The following IQCM variants were observed in gnomAD, a reference collection of about 807,000 sequenced individuals.
IQCM encodes IQ motif containing M, also known as IQ domain-containing protein M.
IQCM carries 45 observed loss-of-function variants against 57.6 expected under a neutral mutation model. That is an observed-to-expected ratio of 0.78 (90% CI 0.62 to 1.00). The LOEUF (loss-of-function observed/expected upper bound fraction) is 1.00. Ranked by LOEUF, IQCM falls within the 50% of genes least tolerant of loss-of-function variation. The pLI is 0.00. For missense variants in IQCM, 468 were observed against 511.6 expected (o/e 0.91, Z 0.82); for synonymous variants, 148 against 158.9 (o/e 0.93, Z 0.51).
intron 7 of IQCM, among the ~76,000 whole-genome samples, chr4:149,632,729 C>A (rs1269048839): frequency 6.6e-6 from 1 of 152,136 alleles, no homozygotes; most frequent in Admixed American, 6.5e-5. Context: ...TAGCTTGTGA[C>A]CTTACAAGGT....
chr4:149,373,450 T>C (rs1030242400), intron 13 of IQCM, among the ~76,000 whole-genome samples: 2 of 152,140 alleles, frequency 1.3e-5, no homozygotes, highest in African/African-American at 4.8e-5. Context: ...GAGATGTTAC[T>C]ATCATAGTTC....
chr4:149,545,451 T>C (rs1422308953), intron 12 of IQCM, among the ~76,000 whole-genome samples: 1 of 152,110 alleles, frequency 6.6e-6, no homozygotes, highest in Non-Finnish European at 1.5e-5. Context: ...AACAGGTAGA[T>C]GATCATCAGG....
chr4:149,470,953 G>A (rs1410400406), intron 12 of IQCM, among the ~76,000 whole-genome samples: 2 of 152,040 alleles, frequency 1.3e-5, no homozygotes, highest in East Asian at 1.9e-4. Flanking sequence ...AGAATCTCTG[G>A]GACACATTTA....
At chr4:149,548,765 C>T (rs147135074) in intron 11 of IQCM, among the ~76,000 whole-genome samples, 176 bp from the exon 12 acceptor site, 8 of 152,232 alleles carry the variant, frequency 5.3e-5, no homozygotes, top group Admixed American at 2.0e-4. Flanking sequence ...CCTCACATTC[C>T]GCAGTAGTGA....
Position 149,503,142 on chromosome 4 carries a change from G to A in IQCM, c.1228+45313C>T, listed in dbSNP as rs2149795084. Among the ~76,000 whole-genome samples, 3 of 152,112 alleles carry A rather than the reference G, an allele frequency of 2.0e-5. No homozygotes were observed. In the Middle Eastern group the frequency reaches 0.01, roughly 517 times the overall value. On this transcript the variant is annotated intron_variant, in intron 12 of 13. Transcript: ENST00000636793. ...AGGCTGAGGCAGGAGGACTGCTTGA[G>A]CCCAGAAGTTCGAGGTTACAGTGAG...
chr4:149,655,391 A>G (rs1759548634), intron 7 of IQCM, among the ~76,000 whole-genome samples: 1 of 152,172 alleles, frequency 6.6e-6, no homozygotes, highest in African/African-American at 2.4e-5. Flanking sequence ...AACACTTTTA[A>G]TAACATAGCA....
chr4:149,535,873 T>C (rs778567652), intron 12 of IQCM, among the ~76,000 whole-genome samples: 2 of 152,040 alleles, frequency 1.3e-5, no homozygotes, highest in Non-Finnish European at 2.9e-5. Context: ...GCCATGATGA[T>C]TCCCAGAGGC....
intron 13 of IQCM, among the ~76,000 whole-genome samples, chr4:149,406,469 G>C (rs1732987681): frequency 1.3e-5 from 2 of 152,056 alleles, no homozygotes; most frequent in Non-Finnish European, 2.9e-5. Context: ...TGTGGCAAGA[G>C]GGAGCATGGG....
chr4:149,565,658 C>G (rs1037725798), intron 9 of IQCM, among the ~76,000 whole-genome samples: 2 of 152,100 alleles, frequency 1.3e-5, no homozygotes, highest in African/African-American at 4.8e-5. Flanking sequence ...ACTTCCTGAC[C>G]TTCCTACTCC....
At chr4:149,355,813 T>C (rs1013430374) in intron 13 of IQCM, among the ~76,000 whole-genome samples, 19 of 152,026 alleles carry the variant, frequency 1.2e-4, no homozygotes, top group South Asian at 4.2e-4. Flanking sequence ...CCTGAGGAAT[T>C]GCCACACTGA....
chr4:149,352,746 G>T (rs1012701980), intron 13 of IQCM, among the ~76,000 whole-genome samples: 1 of 152,132 alleles, frequency 6.6e-6, no homozygotes, highest in African/African-American at 2.4e-5. Flanking sequence ...TTCTGATAAT[G>T]ATATTTAAAT....
chr4:149,740,304 C>G (rs1399362489), intron 3 of IQCM, among the ~76,000 whole-genome samples: 1 of 152,128 alleles, frequency 6.6e-6, no homozygotes, highest in East Asian at 1.9e-4. Context: ...CAGTTTAGCA[C>G]ACATTTTTTA....
At chr4:149,459,202 A>T (rs979322046) in intron 12 of IQCM, among the ~76,000 whole-genome samples, 1 of 152,244 alleles carries the variant, frequency 6.6e-6, no homozygotes, top group Admixed American at 6.5e-5. Flanking sequence ...AATGAGATAA[A>T]AACAAAACAC....
intron 7 of IQCM, among the ~76,000 whole-genome samples, chr4:149,629,037 G>C (rs976823078): frequency 2.6e-5 from 4 of 152,138 alleles, no homozygotes; most frequent in African/African-American, 9.7e-5. Context: ...ACTAAAGACT[G>C]AGGCATGAAT....
intron 12 of IQCM, among the ~76,000 whole-genome samples, chr4:149,516,735 G>A (rs538801742): frequency 1.3e-5 from 2 of 152,058 alleles, no homozygotes; most frequent in East Asian, 3.9e-4. Flanking sequence ...TTTGCTTCCT[G>A]TTCCTGTTAC....
At chr4:149,528,243 C>T (rs547402332) in intron 12 of IQCM, among the ~76,000 whole-genome samples, 1 of 152,176 alleles carries the variant, frequency 6.6e-6, no homozygotes, top group East Asian at 1.9e-4. Context: ...ACCTTGGCCT[C>T]CCAAAGTGCT....
intron 7 of IQCM, among the ~76,000 whole-genome samples, chr4:149,651,443 A>C (rs1305152899): frequency 1.3e-5 from 2 of 152,190 alleles, no homozygotes; most frequent in Admixed American, 6.6e-5. Context: ...AAAGGCTAAA[A>C]GAATTCATGC....
At position 149,666,827 on chromosome 4, in the gene IQCM, G is replaced by A. The variant is rs944060545; in HGVS notation, c.565+15291C>T. Among the ~76,000 whole-genome samples, 6 of 152,168 alleles carry A rather than the reference G, an allele frequency of 3.9e-5. No individual in the cohort carries two copies. The South Asian group carries it at 8.3e-4, about 21-fold the overall frequency. On this transcript the variant is annotated intron_variant, in intron 7 of 13. Coordinates refer to ENST00000636793, the MANE Select transcript of IQCM (RefSeq NM_001363507.2). Reference sequence around the variant, plus strand: ...AGCTGCCCAGAAATTCAGATTGGGTGGAGGCCACCACAGCACCACAAAGCC... The same window carrying A: ...AGCTGCCCAGAAATTCAGATTGGGTAGAGGCCACCACAGCACCACAAAGCC...
chr4:149,356,652 G>A (rs891202679), intron 13 of IQCM, among the ~76,000 whole-genome samples: 1 of 152,154 alleles, frequency 6.6e-6, no homozygotes, highest in Non-Finnish European at 1.5e-5. Context: ...CTGTAGCCTT[G>A]TAGTATAGTT....
Sources: allele counts gnomAD v4.1 joint callset (sites outside exome capture counted in the v4.1 genomes callset), GRCh38; gene constraint gnomAD v4.1.1; transcripts MANE v1.5; gene names NCBI Gene and HGNC (gene_info 2026-07-23, HGNC 2026-07-21).